FTO: variants seen among roughly 807,000 people sequenced by gnomAD.
FTO encodes FTO alpha-ketoglutarate dependent dioxygenase.
A neutral mutation model predicts 63.9 loss-of-function variants in FTO; 47 were observed. The ratio of observed to expected loss-of-function variants is 0.74; its 90% CI spans 0.58 to 0.94. FTO has a LOEUF of 0.94. FTO is among the 40% of genes least tolerant of loss of function. The pLI is 0.00. For missense variants in FTO, 562 were observed against 618.1 expected (o/e 0.91, Z 0.96); for synonymous variants, 207 against 224.4 (o/e 0.92, Z 0.69).
chr16:54,044,219 C>A (rs1421557535), intron 8 of FTO, among the ~76,000 whole-genome samples: 1 of 76,252 alleles, frequency 1.3e-5, no homozygotes, highest in Admixed American at 1.4e-4. Flanking sequence ...ACCCATCTCA[C>A]GTGTAGAGAC....
At chr16:54,040,397 T>G (rs1292128857) in intron 8 of FTO, 1 of 152,222 alleles carries the variant, frequency 6.6e-6, no homozygotes, top group African/African-American at 2.4e-5. Flanking sequence ...ACACACAGAT[T>G]ATTTGAAACA....
chr16:53,958,648 G>A (rs1248241806), intron 8 of FTO, among the ~76,000 whole-genome samples: 1 of 152,212 alleles, frequency 6.6e-6, no homozygotes, highest in Non-Finnish European at 1.5e-5. Flanking sequence ...AAGCAGCCTG[G>A]GAACTGGGAA....
chr16:54,111,978 TG>T lies in FTO; in HGVS notation c.*66del. On this transcript the variant is annotated 3_prime_UTR_variant, in exon 9 of 9. Transcript: ENST00000471389. ...CGGCTTTTCTCCTCCAACGTTGTCA[TG>T]GGCTTAAGCAAGAGCAGTGGAGACT... 1.9e-6 allele frequency: 3 copies of T among 1,592,700 alleles called. No homozygotes were observed. The highest frequency in any genetic ancestry group is 2.6e-6 in the Non-Finnish European group (3 of 1,161,988).
intron 7 of FTO, among the ~76,000 whole-genome samples, chr16:53,920,170 T>C (rs1042973475): frequency 2.6e-5 from 4 of 152,172 alleles, no homozygotes; most frequent in African/African-American, 9.7e-5. Flanking sequence ...CTGCCATGTG[T>C]CAGGTACTAT....
chr16:53,796,302 C>G (rs1053740065), intron 1 of FTO, among the ~76,000 whole-genome samples: 3 of 152,070 alleles, frequency 2.0e-5, no homozygotes, highest in African/African-American at 7.2e-5. Context: ...CATTGGCCTC[C>G]CAAAGTGCCG....
chr16:54,029,572 G>T (rs939427274), intron 8 of FTO, among the ~76,000 whole-genome samples: 1 of 152,030 alleles, frequency 6.6e-6, no homozygotes, highest in Non-Finnish European at 1.5e-5. Flanking sequence ...TCTTCCTACC[G>T]TCTTCCATTT....
At chr16:54,059,530 C>T (rs1359512866) in intron 8 of FTO, among the ~76,000 whole-genome samples, 2 of 152,082 alleles carry the variant, frequency 1.3e-5, no homozygotes, top group Non-Finnish European at 2.9e-5. Flanking sequence ...CTCATAATTT[C>T]CTGTTTGATA....
chr16:54,106,909 GATATATA>G (rs1168288317), intron 8 of FTO, among the ~76,000 whole-genome samples: 1 of 136,094 alleles, frequency 7.3e-6, no homozygotes, highest in African/African-American at 2.7e-5. Flanking sequence ...TATAATACAC[GATATATA>G]ATATATTAAA....
At chr16:54,020,265 T>C (rs1375914809) in intron 8 of FTO, among the ~76,000 whole-genome samples, 2 of 152,198 alleles carry the variant, frequency 1.3e-5, no homozygotes, top group East Asian at 3.9e-4. Context: ...TTATAAATAT[T>C]ATTTGACACT....
intron 7 of FTO, among the ~76,000 whole-genome samples, chr16:53,920,238 A>G (rs1182494724): frequency 1.3e-5 from 2 of 152,186 alleles, no homozygotes; most frequent in African/African-American, 4.8e-5. Flanking sequence ...TAGCTGCTAT[A>G]AATATCCTCA....
At chr16:53,861,016 T>C (rs892470403) in intron 4 of FTO, among the ~76,000 whole-genome samples, 1 of 152,208 alleles carries the variant, frequency 6.6e-6, no homozygotes, top group Non-Finnish European at 1.5e-5. Context: ...ATTGTAGATA[T>C]ATAAAATGTT....
In FTO at chr16:53,826,502, C is replaced by G. The variant is rs1194528356; in HGVS notation, c.751+11C>G. 6.2e-7 allele frequency: 1 copy of G among 1,613,820 alleles called. No individual in the cohort carries two copies. Among genetic ancestry groups the G allele is most frequent in the East Asian group, 2.2e-5 (1 of 44,866 alleles). On this transcript the variant is annotated intron_variant, in intron 3 of 8. Transcript: ENST00000471389. ...GTTATAGCTGTGAAGGTACAGTCTGCTCTTGGAAAAAGCAGCCCTGTATGT... is the reference window on the plus strand; with the variant it reads ...GTTATAGCTGTGAAGGTACAGTCTGGTCTTGGAAAAAGCAGCCCTGTATGT...
At chr16:53,797,228 C>T (rs2078100504) in intron 1 of FTO, among the ~76,000 whole-genome samples, 1 of 152,190 alleles carries the variant, frequency 6.6e-6, no homozygotes, top group African/African-American at 2.4e-5. Context: ...TAGAGTGGTA[C>T]ATCTGCTACA....
At chr16:54,022,731 A>G (rs1282871771) in intron 8 of FTO, among the ~76,000 whole-genome samples, 1 of 152,266 alleles carries the variant, frequency 6.6e-6, no homozygotes, top group African/African-American at 2.4e-5. Context: ...AAAAACCACA[A>G]ATGATAAATT....
At chr16:53,840,372 T>C (rs1055432830) in intron 3 of FTO, among the ~76,000 whole-genome samples, 1 of 152,330 alleles carries the variant, frequency 6.6e-6, no homozygotes, top group South Asian at 2.1e-4. Flanking sequence ...CTGTATGCTG[T>C]CATTAGTCAT....
chr16:53,922,456 T>C (rs2082029292), intron 7 of FTO, among the ~76,000 whole-genome samples: 1 of 152,078 alleles, frequency 6.6e-6, no homozygotes, highest in Non-Finnish European at 1.5e-5. Context: ...TTTCAACACC[T>C]AAAAATCCAC....
chr16:53,892,532 C>T (rs1377142411), intron 7 of FTO, among the ~76,000 whole-genome samples: 1 of 152,084 alleles, frequency 6.6e-6, no homozygotes, highest in Non-Finnish European at 1.5e-5. Flanking sequence ...CTTCCAGGGA[C>T]TATCTTACTC....
chr16:53,955,028 G>C (rs536506641), intron 8 of FTO, among the ~76,000 whole-genome samples: 2 of 152,216 alleles, frequency 1.3e-5, no homozygotes, highest in African/African-American at 2.4e-5. Context: ...AATTAGACCA[G>C]TAAGAAAGTT....
intron 1 of FTO, among the ~76,000 whole-genome samples, chr16:53,759,908 G>C (rs185781418): frequency 6.6e-6 from 1 of 152,002 alleles, no homozygotes; most frequent in African/African-American, 2.4e-5. Context: ...GCTGGTCTAG[G>C]ATCCAGGGTT....
Sources: allele counts gnomAD v4.1 joint callset (sites outside exome capture counted in the v4.1 genomes callset), GRCh38; gene constraint gnomAD v4.1.1; transcripts MANE v1.5; gene names NCBI Gene and HGNC (gene_info 2026-07-23, HGNC 2026-07-21).